VTI1A: variants seen among roughly 807,000 people sequenced by gnomAD.
The protein encoded by VTI1A is vesicle transport through interaction with t-SNAREs 1A.
Under a neutral mutation model 34.9 loss-of-function variants are expected in VTI1A, and 22 were observed. The observed-to-expected ratio is 0.63, with a 90% CI of 0.45 to 0.90. The LOEUF (loss-of-function observed/expected upper bound fraction) is 0.90. Among genes scored for constraint, VTI1A ranks in the 40% least tolerant of loss-of-function variants. VTI1A has a pLI of 0.00. For synonymous variants in VTI1A, 87 were observed against 97.3 expected (o/e 0.89, Z 0.62); for missense variants, 268 against 275.6 (o/e 0.97, Z 0.20).
At chr10:112,505,351 G>A (rs150263946) in intron 3 of VTI1A, among the ~76,000 whole-genome samples, 8 of 152,128 alleles carry the variant, frequency 5.3e-5, no homozygotes, top group East Asian at 1.9e-4. Flanking sequence ...GCATGCTACC[G>A]TATTAAATTC....
chr10:112,455,156 T>G (rs1589783792), intron 1 of VTI1A, among the ~76,000 whole-genome samples: 2 of 36,390 alleles, frequency 5.5e-5, no homozygotes, highest in Admixed American at 3.6e-4. Context: ...TTCCCTCCCC[T>G]TCCCTCCTCC....
At chr10:112,449,062 G>A (rs1434481768) in intron 1 of VTI1A, 1 of 152,236 alleles carries the variant, frequency 6.6e-6, no homozygotes, top group African/African-American at 2.4e-5. Context: ...AGATTTTTGT[G>A]TCGAAAGTGG....
chr10:112,811,391 G>A (rs141312425), intron 7 of VTI1A, among the ~76,000 whole-genome samples: 183 of 152,270 alleles, frequency 1.2e-3, no homozygotes, highest in African/African-American at 4.2e-3. Flanking sequence ...CCATGACCAA[G>A]CCTAACATTA....
At chr10:112,572,210 A>G (rs1203159116) in intron 5 of VTI1A, among the ~76,000 whole-genome samples, 1 of 152,260 alleles carries the variant, frequency 6.6e-6, no homozygotes, top group Non-Finnish European at 1.5e-5. Context: ...CCACTTTGCT[A>G]GCTGTGTGAC....
At chr10:112,603,192 A>T (rs1844942506) in intron 5 of VTI1A, among the ~76,000 whole-genome samples, 1 of 152,226 alleles carries the variant, frequency 6.6e-6, no homozygotes, top group Admixed American at 6.5e-5. Context: ...GGTTTGGGCC[A>T]TGTGGCATTG....
chr10:112,529,350 A>G (rs944628201), intron 4 of VTI1A, among the ~76,000 whole-genome samples: 8 of 152,284 alleles, frequency 5.3e-5, no homozygotes, highest in Middle Eastern at 6.8e-3. Context: ...TAATATAGGA[A>G]TTAAAATCCC....
At chr10:112,783,573 C>T (rs1267711512) in intron 7 of VTI1A, among the ~76,000 whole-genome samples, 1 of 152,226 alleles carries the variant, frequency 6.6e-6, no homozygotes, top group Non-Finnish European at 1.5e-5. Flanking sequence ...TTATGCATTG[C>T]ATAGTTGCCG....
chr10:112,678,094 A>G (rs1564879971), intron 7 of VTI1A, among the ~76,000 whole-genome samples: 2 of 152,240 alleles, frequency 1.3e-5, no homozygotes, highest in Non-Finnish European at 1.5e-5. Context: ...CAAAGATAAA[A>G]TATGTAACTT....
chr10:112,510,363 G>A (rs1849565180), intron 3 of VTI1A, among the ~76,000 whole-genome samples: 1 of 152,114 alleles, frequency 6.6e-6, no homozygotes, highest in Non-Finnish European at 1.5e-5. Flanking sequence ...GACCTGGTGT[G>A]GTGGCTTATG....
intron 5 of VTI1A, among the ~76,000 whole-genome samples, chr10:112,550,619 TG>T (rs1851313956): frequency 6.6e-6 from 1 of 152,132 alleles, no homozygotes; most frequent in South Asian, 2.1e-4. Context: ...AATTTTTTAT[TG>T]AAGAATATGT....
chr10:112,561,005 T>C (rs1249193125), intron 5 of VTI1A, among the ~76,000 whole-genome samples: 1 of 152,186 alleles, frequency 6.6e-6, no homozygotes, highest in African/African-American at 2.4e-5. Flanking sequence ...TTTTATGACA[T>C]TTTAGAATTA....
chr10:112,545,675 G>C (rs1037895865), intron 5 of VTI1A, among the ~76,000 whole-genome samples: 1 of 152,144 alleles, frequency 6.6e-6, no homozygotes, highest in Admixed American at 6.5e-5. Flanking sequence ...GTCCCATGTC[G>C]GATCTACTGG....
At chr10:112,456,443 A>G (rs1847529631) in intron 1 of VTI1A, among the ~76,000 whole-genome samples, 1 of 141,712 alleles carries the variant, frequency 7.1e-6, no homozygotes. Context: ...AAAAAAAAAG[A>G]GGAAACTGTA....
intron 7 of VTI1A, among the ~76,000 whole-genome samples, chr10:112,811,706 A>AG (rs1233027264): frequency 9.3e-6 from 1 of 107,984 alleles, no homozygotes; most frequent in Non-Finnish European, 1.8e-5. Context: ...AAAAAAAAAA[A>AG]AAAAAAGAGT....
At chr10:112,801,992 G>A (rs1852893409) in intron 7 of VTI1A, among the ~76,000 whole-genome samples, 1 of 152,186 alleles carries the variant, frequency 6.6e-6, no homozygotes, top group South Asian at 2.1e-4. Flanking sequence ...TCACACCTGT[G>A]ATCCCAACAC....
intron 5 of VTI1A, chr10:112,548,903 C>T: frequency 1.8e-6 from 2 of 1,087,238 alleles, no homozygotes; most frequent in Non-Finnish European, 2.7e-6. Flanking sequence ...TTAGAAGTTT[C>T]TTCACATCCA....
intron 5 of VTI1A, among the ~76,000 whole-genome samples, chr10:112,580,665 C>G (rs1233149827): frequency 6.6e-6 from 1 of 151,930 alleles, no homozygotes; most frequent in Non-Finnish European, 1.5e-5. Flanking sequence ...GTAGGGAGTG[C>G]AAAGTTGAAA....
intron 5 of VTI1A, among the ~76,000 whole-genome samples, chr10:112,555,854 G>A (rs1470289906): frequency 1.3e-5 from 2 of 151,970 alleles, no homozygotes; most frequent in East Asian, 3.8e-4. Flanking sequence ...ATTGGACATG[G>A]TGGTCATTTA....
chr10:112,453,507 A>G (rs1212985512), intron 1 of VTI1A, among the ~76,000 whole-genome samples: 1 of 152,236 alleles, frequency 6.6e-6, no homozygotes, highest in African/African-American at 2.4e-5. Context: ...AGTCATTTAC[A>G]TCAGTATGGA....
Sources: allele counts gnomAD v4.1 joint callset (sites outside exome capture counted in the v4.1 genomes callset), GRCh38; gene constraint gnomAD v4.1.1; transcripts MANE v1.5; gene names NCBI Gene and HGNC (gene_info 2026-07-23, HGNC 2026-07-21).